CRB1: variants seen among roughly 807,000 people sequenced by gnomAD.
CRB1 encodes protein crumbs homolog 1.
Under a neutral mutation model 120.0 loss-of-function variants are expected in CRB1, and 83 were observed. The observed-to-expected ratio is 0.69, with a 90% CI of 0.58 to 0.83. CRB1 has a LOEUF of 0.83. Ranked by LOEUF, CRB1 falls within the 40% of genes least tolerant of loss-of-function variation. The pLI, the probability that CRB1 is intolerant of heterozygous loss-of-function variation, is 0.00. For missense variants in CRB1, 1,699 were observed against 1,687.6 expected (o/e 1.01, Z -0.12); for synonymous variants, 625 against 612.5 (o/e 1.02, Z -0.30).
Position 197,442,226 on chromosome 1 carries a change from G to A in CRB1, c.3939G>A (p.Gln1313=), listed in dbSNP as rs375597838. 1 of 1,613,972 alleles carries A rather than the reference G, an allele frequency of 6.2e-7. No homozygotes were observed. Among genetic ancestry groups the A allele is most frequent in the African/African-American group, 1.3e-5 (1 of 74,870 alleles). The change falls in exon 11 of 12, where the codon CAG becomes CAA. Residue 1313 remains glutamine, a synonymous_variant. Coordinates refer to ENST00000367400, the MANE Select transcript of CRB1 (RefSeq NM_201253.3). ...SDPCVNGGLC[Q]DLLNKFQCLC... The stretch of plus-strand genomic sequence containing the variant: ...CGTGTGTCAATGGAGGTCTGTGCCA[G>A]GACTTACTCAACAAATTCCAGTGCC...
intron 1 of CRB1, among the ~76,000 whole-genome samples, chr1:197,304,214 T>A (rs1023836270): frequency 6.6e-6 from 1 of 152,198 alleles, no homozygotes; most frequent in Non-Finnish European, 1.5e-5. Flanking sequence ...TCATAGCACA[T>A]CTCTCAAAAA....
chr1:197,281,962 A>G (rs1456299898), intron 1 of CRB1, among the ~76,000 whole-genome samples: 1 of 151,754 alleles, frequency 6.6e-6, no homozygotes, highest in Non-Finnish European at 1.5e-5. Context: ...TAAAGAGTAT[A>G]ATAAAAAAAA....
At chr1:197,296,402 G>T (rs1280991444) in intron 1 of CRB1, among the ~76,000 whole-genome samples, 1 of 151,944 alleles carries the variant, frequency 6.6e-6, no homozygotes, top group East Asian at 1.9e-4. Context: ...ACTGTACCTG[G>T]AATATAGTAA....
chr1:197,372,631 C>T (rs1380251401), intron 5 of CRB1, among the ~76,000 whole-genome samples: 1 of 151,928 alleles, frequency 6.6e-6, no homozygotes, highest in Non-Finnish European at 1.5e-5. Context: ...CAGTGGTTCA[C>T]ACCTGAAATC....
intron 5 of CRB1, among the ~76,000 whole-genome samples, chr1:197,388,574 G>A (rs1477548275): frequency 6.6e-6 from 1 of 151,852 alleles, no homozygotes; most frequent in East Asian, 1.9e-4. Flanking sequence ...CAGCAGTTAA[G>A]AAATCAATCA....
chr1:197,413,688 G>T (rs1663819686), intron 5 of CRB1: 1 of 199,120 alleles, frequency 5.0e-6, no homozygotes, highest in African/African-American at 2.3e-5. Context: ...TTAAAAAGGG[G>T]AGGCACCATG....
intron 1 of CRB1, among the ~76,000 whole-genome samples, chr1:197,285,336 G>A (rs938247127): frequency 6.6e-6 from 1 of 151,814 alleles, no homozygotes; most frequent in African/African-American, 2.4e-5. Context: ...AGAAATAAGG[G>A]ATAAGAGAAT....
chr1:197,375,562 G>A (rs1661599611), intron 5 of CRB1, among the ~76,000 whole-genome samples: 1 of 152,028 alleles, frequency 6.6e-6, no homozygotes, highest in South Asian at 2.1e-4. Flanking sequence ...AGTGCCCATG[G>A]TATATGGACT....
intron 11 of CRB1, among the ~76,000 whole-genome samples, chr1:197,453,770 T>G (rs1465495314): frequency 7.0e-6 from 1 of 143,546 alleles, no homozygotes; most frequent in Non-Finnish European, 1.5e-5. Context: ...CCTCTTCTTC[T>G]TATTATTATT....
At chr1:197,242,745 A>T in the CRB1 span, among the ~76,000 whole-genome samples, 2 of 152,320 alleles carry the variant, frequency 1.3e-5, no homozygotes, top group South Asian at 4.1e-4. Context: ...TTCAGAAGAA[A>T]TGGTACCAGC....
At chr1:197,268,994 A>T (rs949453145) in intron 1 of CRB1, among the ~76,000 whole-genome samples, 7 of 152,278 alleles carry the variant, frequency 4.6e-5, no homozygotes, top group African/African-American at 1.7e-4. Flanking sequence ...TTCACCAGAG[A>T]AATGGGCTTT....
intron 5 of CRB1, among the ~76,000 whole-genome samples, chr1:197,398,022 T>C (rs1662861165): frequency 6.6e-6 from 1 of 152,144 alleles, no homozygotes; most frequent in South Asian, 2.1e-4. Flanking sequence ...AACCCCAGTT[T>C]CTCACTCTTC....
chr1:197,244,133 G>A, the CRB1 span, among the ~76,000 whole-genome samples: 2 of 152,124 alleles, frequency 1.3e-5, no homozygotes, highest in Admixed American at 1.3e-4. Context: ...TATCCAATTT[G>A]CCAGTCTGTG....
the CRB1 span, among the ~76,000 whole-genome samples, chr1:197,248,272 T>C: frequency 3.3e-5 from 5 of 152,048 alleles, no homozygotes; most frequent in Admixed American, 1.3e-4. Flanking sequence ...AGTTAGCTAA[T>C]TAAATAATTA....
chr1:197,274,252 C>T (rs533321256), intron 1 of CRB1, among the ~76,000 whole-genome samples: 8 of 152,202 alleles, frequency 5.3e-5, no homozygotes, highest in Non-Finnish European at 7.4e-5. Context: ...TTAACCCATA[C>T]TCCTATGGGA....
the CRB1 span, among the ~76,000 whole-genome samples, chr1:197,252,655 T>C: frequency 2.9e-5 from 4 of 138,934 alleles, no homozygotes; most frequent in African/African-American, 5.3e-5. Flanking sequence ...CACACACACA[T>C]ATATATAAAA....
At chr1:197,205,863 G>A in the CRB1 span, among the ~76,000 whole-genome samples, 1 of 151,252 alleles carries the variant, frequency 6.6e-6, no homozygotes, top group Non-Finnish European at 1.5e-5. Context: ...ATTCAGCTGC[G>A]AATCCATCTG....
rs770602363 is a variant in CRB1, at chr1:197,434,978, C to G, written c.3115C>G (p.Leu1039Val). 3 of 1,613,938 alleles carry G rather than the reference C, an allele frequency of 1.9e-6. No homozygotes were observed. The Admixed American group carries it at 5.0e-5, about 27-fold the overall frequency. The change falls in exon 9 of 12, where the codon CTT becomes GTT. Residue 1039 changes from leucine (L) to valine (V), a missense_variant. Coordinates refer to ENST00000367400, the MANE Select transcript of CRB1 (RefSeq NM_201253.3). ...VNDGTWHEVT[L>V]SMTDPLSQTS... The stretch of plus-strand genomic sequence containing the variant: ...TGATGGCACATGGCACGAAGTGACC[C>G]TTTCCATGACAGACCCACTGTCCCA...
At chr1:197,278,207 A>C (rs976358950) in intron 1 of CRB1, among the ~76,000 whole-genome samples, 1 of 151,912 alleles carries the variant, frequency 6.6e-6, no homozygotes, top group Non-Finnish European at 1.5e-5. Flanking sequence ...GAGGCCTCAC[A>C]CATGGGATTA....
Sources: allele counts gnomAD v4.1 joint callset (sites outside exome capture counted in the v4.1 genomes callset), GRCh38; gene constraint gnomAD v4.1.1; transcripts MANE v1.5; gene names NCBI Gene and HGNC (gene_info 2026-07-23, HGNC 2026-07-21).